ITGB5: variants seen among roughly 807,000 people sequenced by gnomAD.
The protein encoded by ITGB5 is integrin subunit beta 5.
Under a neutral mutation model 84.8 loss-of-function variants are expected in ITGB5, and 38 were observed. The ratio of observed to expected loss-of-function variants is 0.45; its 90% CI spans 0.35 to 0.59. ITGB5 has a LOEUF of 0.59. Ranked by LOEUF, ITGB5 falls within the 20% of genes least tolerant of loss-of-function variation. The pLI is 0.01. For synonymous variants in ITGB5, 393 were observed against 414.4 expected (o/e 0.95, Z 0.63); for missense variants, 905 against 1,034.5 (o/e 0.87, Z 1.72).
At chr3:124,805,526 A>G (rs771624001) in intron 9 of ITGB5, among the ~76,000 whole-genome samples, 6 of 151,976 alleles carry the variant, frequency 3.9e-5, no homozygotes, top group Non-Finnish European at 8.8e-5. Flanking sequence ...ATCATAGCTC[A>G]CTGCTGCCTT....
intron 2 of ITGB5, among the ~76,000 whole-genome samples, chr3:124,867,443 T>C (rs372182580): frequency 5.3e-4 from 81 of 152,356 alleles, no homozygotes; most frequent in African/African-American, 1.9e-3. Context: ...GCAATCTCTC[T>C]GTCTGCCTTT....
Position 124,817,651 on chromosome 3 carries a change from AT to A in ITGB5, c.1097del (p.Asn366IlefsTer5). Reference sequence around the variant, plus strand: ...ATGCATTAATAATCAGTTGAATAATATTTTTGGAGTCTCCATCTAAAATCTC... The same window carrying A: ...ATGCATTAATAATCAGTTGAATAATATTTTGGAGTCTCCATCTAAAATCTC... ...TVEILDGDSK[N>X]IIQLIINAYN... On this transcript the variant is annotated frameshift_variant, in exon 8 of 15. Coordinates refer to ENST00000296181, the MANE Select transcript of ITGB5 (RefSeq NM_002213.5). LOFTEE classifies it high-confidence loss of function. The A allele has an allele frequency of 6.3e-7, 1 of 1,588,628 alleles. No individual in the cohort carries two copies. Among genetic ancestry groups the A allele is most frequent in the Non-Finnish European group, 8.6e-7 (1 of 1,164,754 alleles).
intron 3 of ITGB5, among the ~76,000 whole-genome samples, chr3:124,852,216 GC>G (rs2107608895): frequency 6.6e-6 from 1 of 152,166 alleles, no homozygotes; most frequent in African/African-American, 2.4e-5. Context: ...CACCATCCCG[GC>G]CCATGTGTCA....
chr3:124,818,502 CTTTTTTTTTTTTTTTTT>C lies in ITGB5; in HGVS notation c.1039-809_1039-793del, dbSNP rs143582866. On this transcript the variant is annotated intron_variant, in intron 7 of 14. Transcript: ENST00000296181. ...AAAACGTTATTTGTAAGTGCATAGG[CTTTTTTTTTTTTTTTTT>C]TTTTTTTTTTTTGCGACAGAATCTC... is the stretch of plus-strand genomic sequence containing the variant. Among the ~76,000 whole-genome samples, 5 of 68,212 alleles carry C rather than the reference CTTTTTTTTTTTTTTTTT, an allele frequency of 7.3e-5. No individual in the cohort carries two copies. The East Asian group carries it at 1.4e-3, about 19-fold the overall frequency. 44.7% of individuals were successfully genotyped at this position (68,212 alleles called of 152,430 possible).
chr3:124,882,374 G>A (rs932484450), intron 1 of ITGB5, among the ~76,000 whole-genome samples: 1 of 152,230 alleles, frequency 6.6e-6, no homozygotes, highest in Non-Finnish European at 1.5e-5. Context: ...GGAGGAGGTT[G>A]CAGCTTTAGC....
intron 5 of ITGB5, among the ~76,000 whole-genome samples, chr3:124,828,326 G>A (rs1206379878): frequency 2.6e-5 from 4 of 152,268 alleles, no homozygotes; most frequent in East Asian, 1.9e-4. Flanking sequence ...ATATCTATGC[G>A]ATGGAATACT....
Position 124,887,325 on chromosome 3 carries a change from C to T in ITGB5, c.-325G>A, listed in dbSNP as rs1934873408. The T allele has an allele frequency of 6.5e-6, 1 of 153,454 alleles. No individual in the cohort carries two copies. The highest frequency in any genetic ancestry group is 1.4e-5 in the Non-Finnish European group (1 of 68,980). The allele number at this position is 153,454 out of a possible 1,614,324, so 9.5% of individuals were successfully genotyped here. A position where few individuals can be genotyped will look rare whatever the true frequency, so the allele number is the denominator to read the frequency against. On this transcript the variant is annotated 5_prime_UTR_variant, in exon 1 of 15. Coordinates refer to ENST00000296181, the MANE Select transcript of ITGB5 (RefSeq NM_002213.5). ...GGCGGCCGCGACTTGGGCTCCGAGACGCGCCCAGCGCCGAGACTCCCCCGC... is the reference window on the plus strand; with the variant it reads ...GGCGGCCGCGACTTGGGCTCCGAGATGCGCCCAGCGCCGAGACTCCCCCGC...
At position 124,807,371 on chromosome 3, in the gene ITGB5, G is replaced by A. The variant is rs560480953; in HGVS notation, c.1263+1651C>T. On this transcript the variant is annotated intron_variant, in intron 9 of 14. Transcript: ENST00000296181. ...GCGGAGGTTGCAGTGAGCCGAGATCGTGCCACGGCACTCCAGCCTGGGTGA... is the reference window on the plus strand; with the variant it reads ...GCGGAGGTTGCAGTGAGCCGAGATCATGCCACGGCACTCCAGCCTGGGTGA... Among the ~76,000 whole-genome samples, 10 of 152,304 alleles carry A rather than the reference G, an allele frequency of 6.6e-5. No individual in the cohort carries two copies. The South Asian group carries it at 1.0e-3, about 16-fold the overall frequency.
intron 4 of ITGB5, among the ~76,000 whole-genome samples, chr3:124,846,412 G>C (rs1487849690): frequency 1.4e-5 from 2 of 145,120 alleles, no homozygotes; most frequent in Non-Finnish European, 3.0e-5. Context: ...GCCCTCATCA[G>C]ATGTTGCACA....
At chr3:124,772,447 CTCATT>C (rs1193936675) in intron 11 of ITGB5, among the ~76,000 whole-genome samples, 7 of 152,194 alleles carry the variant, frequency 4.6e-5, no homozygotes, top group African/African-American at 1.7e-4. Context: ...GGAGCATGAA[CTCATT>C]TCATTATCAG....
intron 3 of ITGB5, among the ~76,000 whole-genome samples, chr3:124,853,796 A>C (rs541793046): frequency 1.3e-5 from 2 of 152,302 alleles, no homozygotes; most frequent in South Asian, 2.1e-4. Flanking sequence ...AGATGCTATC[A>C]TTGAGGACAG....
At chr3:124,806,628 G>A (rs1455440888) in intron 9 of ITGB5, among the ~76,000 whole-genome samples, 4 of 151,264 alleles carry the variant, frequency 2.6e-5, no homozygotes, top group East Asian at 1.9e-4. Flanking sequence ...TAGTAGAGAC[G>A]GGGTTTCACC....
intron 1 of ITGB5, among the ~76,000 whole-genome samples, chr3:124,881,714 T>C (rs981822126): frequency 6.6e-6 from 1 of 152,030 alleles, no homozygotes; most frequent in Non-Finnish European, 1.5e-5. Context: ...ATGCCTGTAA[T>C]CCCAGCACTT....
At chr3:124,766,602 C>T (rs879863029) in intron 12 of ITGB5, among the ~76,000 whole-genome samples, 7 of 151,926 alleles carry the variant, frequency 4.6e-5, no homozygotes, top group Admixed American at 2.0e-4. Flanking sequence ...AAGTGTTAGT[C>T]GGGGGTGATG....
chr3:124,765,299 G>A (rs941806760), intron 13 of ITGB5, among the ~76,000 whole-genome samples: 1 of 152,034 alleles, frequency 6.6e-6, no homozygotes, highest in Admixed American at 6.5e-5. Flanking sequence ...AGCAGAGGCA[G>A]AATGTTGGTA....
chr3:124,863,091 G>A (rs1372204293), intron 2 of ITGB5: 1 of 152,244 alleles, frequency 6.6e-6, no homozygotes, highest in Non-Finnish European at 1.5e-5. Context: ...CAGTGTCAAA[G>A]TTCGCTTTCT....
chr3:124,810,511 T>C (rs1043177318), intron 8 of ITGB5, among the ~76,000 whole-genome samples: 1 of 152,094 alleles, frequency 6.6e-6, no homozygotes, highest in African/African-American at 2.4e-5. Flanking sequence ...GGCAGGAGGA[T>C]CGCTTGAGCC....
chr3:124,878,139 C>T (rs368360174), intron 1 of ITGB5, among the ~76,000 whole-genome samples: 25 of 152,264 alleles, frequency 1.6e-4, no homozygotes, highest in East Asian at 1.2e-3. Flanking sequence ...CGTGAGCCAC[C>T]GTATCCAGCT....
upstream of ITGB5, chr3:124,887,566 C>T (rs1359562155): frequency 3.5e-6 from 1 of 286,422 alleles, no homozygotes; most frequent in Non-Finnish European, 7.4e-6. Context: ...CGCGGAGGCC[C>T]TACGGGCCCA....
Sources: allele counts gnomAD v4.1 joint callset (sites outside exome capture counted in the v4.1 genomes callset), GRCh38; gene constraint gnomAD v4.1.1; transcripts MANE v1.5; gene names NCBI Gene and HGNC (gene_info 2026-07-23, HGNC 2026-07-21).